The following COL5A1 variants were observed in gnomAD, a reference collection of about 807,000 sequenced individuals.
COL5A1 encodes the protein collagen alpha-1(V) chain.
COL5A1 carries 16 observed loss-of-function variants against 263.7 expected under a neutral mutation model. That is an observed-to-expected ratio of 0.06 (90% CI 0.04 to 0.09). The LOEUF (loss-of-function observed/expected upper bound fraction) is 0.09. Among genes scored for constraint, COL5A1 ranks in the 10% least tolerant of loss-of-function variants. The probability of loss-of-function intolerance (pLI) is 1.00; values close to 1 mark genes in which losing one functional copy is unlikely to be tolerated. For synonymous variants in COL5A1, 1,012 were observed against 1,004.5 expected (o/e 1.01, Z -0.14); for missense variants, 2,036 against 2,540.5 (o/e 0.80, Z 4.27).
At chr9:134,816,504 C>G (rs1588583638) in intron 52 of COL5A1, among the ~76,000 whole-genome samples, 1 of 152,248 alleles carries the variant, frequency 6.6e-6, no homozygotes, top group South Asian at 2.1e-4. Flanking sequence ...CTTGCAGATG[C>G]CCTTGCCCCA....
chr9:134,790,717 A>G (rs1340473288), intron 32 of COL5A1, among the ~76,000 whole-genome samples: 1 of 150,526 alleles, frequency 6.6e-6, no homozygotes, highest in Non-Finnish European at 1.5e-5. Context: ...GTCTCTATCC[A>G]GCTGTCATTC....
chr9:134,786,286 C>T (rs780570488), intron 31 of COL5A1, among the ~76,000 whole-genome samples: 5 of 152,184 alleles, frequency 3.3e-5, no homozygotes, highest in Non-Finnish European at 7.4e-5. Flanking sequence ...CTCCACCGGC[C>T]GTCTCCACCC....
intron 20 of COL5A1, among the ~76,000 whole-genome samples, chr9:134,764,250 C>T (rs11103511): frequency 0.17 from 16,850 of 97,224 alleles, 1,996 homozygotes; most frequent in African/African-American, 0.36. Context: ...TTCAGTGGCA[C>T]CATAGGGGGT....
At chr9:134,643,643 C>G (rs1831375694) in intron 1 of COL5A1, among the ~76,000 whole-genome samples, 1 of 152,128 alleles carries the variant, frequency 6.6e-6, no homozygotes, top group Admixed American at 6.5e-5. Flanking sequence ...GCCACCAACT[C>G]TCTCCTGACC....
At position 134,753,914 on chromosome 9, in the gene COL5A1, T is replaced by A; in HGVS notation, c.1773+11T>A. ...GACGTGGGGCCTCAGGTATGTGGGA[T>A]CCTTGCCTTCGCTGTCTGGTGGGCG... On this transcript the variant is annotated intron_variant, in intron 15 of 65. Coordinates refer to ENST00000371817, the MANE Select transcript of COL5A1 (RefSeq NM_000093.5). 1 of 1,612,514 alleles carries A rather than the reference T, an allele frequency of 6.2e-7. No individual in the cohort carries two copies. The highest frequency in any genetic ancestry group is 8.5e-7 in the Non-Finnish European group (1 of 1,178,864).
chr9:134,658,846 C>T (rs1832113353), intron 1 of COL5A1, among the ~76,000 whole-genome samples: 1 of 152,172 alleles, frequency 6.6e-6, no homozygotes, highest in Admixed American at 6.5e-5. Flanking sequence ...CTCTCCGGAG[C>T]CCGGAAACTG....
chr9:134,728,776 A>T lies in COL5A1; in HGVS notation c.893A>T (p.Glu298Val), dbSNP rs1290386383. ...CCCACCCCCAGCAAGAAGCCCGTGGAAGCTGCCAAAGAAACCACAGAGGTC... is the reference window on the plus strand; with the variant it reads ...CCCACCCCCAGCAAGAAGCCCGTGGTAGCTGCCAAAGAAACCACAGAGGTC... ...KEPTPSKKPV[E>V]AAKETTEVPE... Residue 298 changes from glutamate (E) to valine (V), a missense_variant, in exon 6 of 66, where the codon GAA becomes GTA. By Grantham distance (121) the Glu-to-Val change is moderately radical. This residue lies in a region of COL5A1 where 600 missense variants were observed against 634.5 expected (regional missense o/e 0.95). Transcript: ENST00000371817. 9.9e-6 allele frequency: 16 copies of T among 1,614,186 alleles called. No individual in the cohort carries two copies. Among genetic ancestry groups the T allele is most frequent in the Non-Finnish European group, 1.4e-5 (16 of 1,180,032 alleles).
chr9:134,821,865 G>A lies in COL5A1; in HGVS notation c.4555-232G>A, dbSNP rs1442722067. On this transcript the variant is annotated intron_variant, in intron 58 of 65. Transcript: ENST00000371817. The surrounding 1 kb of genome is among the most constrained non-coding windows in gnomAD (Gnocchi z 4.2). ...AGAGTGAGTTCCTGGCAGCCCAGCC[G>A]GGGGAGCAGTGCCGAGGGCTGGCAG... 3.3e-5 allele frequency among the ~76,000 whole-genome samples: 5 copies of A among 152,244 alleles called. No homozygotes were observed. The highest frequency in any genetic ancestry group is 4.8e-5 in the African/African-American group (2 of 41,462).
chr9:134,803,130 A>G, intron 39 of COL5A1, 135 bp downstream of exon 39: 1 of 781,460 alleles, frequency 1.3e-6, no homozygotes, highest in Non-Finnish European at 2.2e-6. Flanking sequence ...TTCACTCCCC[A>G]GACCGCACGT....
chr9:134,818,014 G>A lies in COL5A1; in HGVS notation c.4230+183G>A, dbSNP rs1301423928. On this transcript the variant is annotated intron_variant, in intron 54 of 65. Coordinates refer to ENST00000371817, the MANE Select transcript of COL5A1 (RefSeq NM_000093.5). The surrounding 1 kb of genome is among the most constrained non-coding windows in gnomAD (Gnocchi z 6.0). ...GGTTCTCTCTCAAGGAGGCAGCCAA[G>A]TGGTGGCCACAAGACTGGGGCCGTC... Among the ~76,000 whole-genome samples, 4 of 152,224 alleles carry A rather than the reference G, an allele frequency of 2.6e-5. No individual in the cohort carries two copies. Among genetic ancestry groups the A allele is most frequent in the Non-Finnish European group, 5.9e-5 (4 of 68,022 alleles).
intron 18 of COL5A1, among the ~76,000 whole-genome samples, chr9:134,760,352 CCCCCACACAT>C (rs1477051918): frequency 9.9e-6 from 1 of 100,506 alleles, no homozygotes; most frequent in Non-Finnish European, 1.9e-5. Flanking sequence ...CCCCCACACA[CCCCCACACAT>C]ACACACACAC....
At chr9:134,662,142 CAAAAA>C (rs34491867) in intron 1 of COL5A1, among the ~76,000 whole-genome samples, 59 of 121,238 alleles carry the variant, frequency 4.9e-4, no homozygotes, top group Non-Finnish European at 8.1e-4. Flanking sequence ...ATATCTTGGC[CAAAAA>C]AAAAAAAAAA....
intron 4 of COL5A1, among the ~76,000 whole-genome samples, chr9:134,721,118 C>T (rs1027884811): frequency 2.0e-5 from 3 of 152,104 alleles, no homozygotes; most frequent in Admixed American, 6.5e-5. Context: ...GGACCCATCA[C>T]ATCTTTCATC....
intron 65 of COL5A1, among the ~76,000 whole-genome samples, chr9:134,837,473 C>G (rs1030966551): frequency 6.6e-6 from 1 of 151,966 alleles, no homozygotes; most frequent in Non-Finnish European, 1.5e-5. Flanking sequence ...CTGGAAGATC[C>G]AACTTCTTCC....
chr9:134,815,679 G>T (rs1404731623), intron 51 of COL5A1, 50 bp downstream of exon 51: 1 of 1,571,924 alleles, frequency 6.4e-7, no homozygotes, highest in Non-Finnish European at 8.7e-7. Context: ...GTGCTGGCCT[G>T]CCTCTGCCAG....
intron 4 of COL5A1, among the ~76,000 whole-genome samples, chr9:134,719,153 A>G (rs1834365972): frequency 6.6e-6 from 1 of 152,336 alleles, no homozygotes; most frequent in African/African-American, 2.4e-5. Context: ...GGCCATCTCC[A>G]GTGCTGTGCC....
intron 1 of COL5A1, among the ~76,000 whole-genome samples, chr9:134,651,047 G>A (rs1280476910): frequency 6.6e-6 from 1 of 152,194 alleles, no homozygotes; most frequent in Admixed American, 6.5e-5. Flanking sequence ...GCGTGGCTCC[G>A]CTCCCTCCTG....
chr9:134,740,095 G>A (rs11103488), intron 11 of COL5A1, among the ~76,000 whole-genome samples: 39,683 of 152,160 alleles, frequency 0.26, 5,325 homozygotes, highest in East Asian at 0.35. Flanking sequence ...GGGCCGTGGC[G>A]GGAAACAGAG....
chr9:134,764,082 T>G, intron 20 of COL5A1, among the ~76,000 whole-genome samples: 1 of 76,572 alleles, frequency 1.3e-5, no homozygotes, highest in African/African-American at 5.3e-5. Flanking sequence ...TCTGAGGGCA[T>G]CGTGGTGGGG....
Sources: gnomAD v4.1 joint callset for allele counts (sites outside exome capture counted in the v4.1 genomes callset) on GRCh38, gnomAD v4.1.1 for gene constraint, gnomAD v4.1.1 regional missense constraint, Gnocchi (gnomAD v3.1) non-coding constraint, MANE v1.5 for transcripts, NCBI Gene and HGNC (gene_info 2026-07-23, HGNC 2026-07-21) for gene names.